The following PIAS1 variants were observed in gnomAD, a reference collection of about 807,000 sequenced individuals.
PIAS1 encodes E3 SUMO-protein ligase PIAS1.
In PIAS1, 6 loss-of-function variants were observed where a neutral mutation model predicts 71.3. That is an observed-to-expected ratio of 0.08 (90% CI 0.05 to 0.17). PIAS1 has a LOEUF of 0.17. Ranked by LOEUF, PIAS1 falls within the 10% of genes least tolerant of loss-of-function variation. The probability of loss-of-function intolerance (pLI) is 1.00; values close to 1 mark genes in which losing one functional copy is unlikely to be tolerated. For missense variants in PIAS1, 555 were observed against 793.6 expected, an observed-to-expected ratio of 0.70 and a Z score of 3.61; for synonymous variants, 303 against 292.9, an observed-to-expected ratio of 1.03 and a Z score of -0.35.
intron 2 of PIAS1, among the ~76,000 whole-genome samples, chr15:68,099,130 TTTGTTGTTG>T (rs368373360): frequency 6.6e-6 from 1 of 151,972 alleles, no homozygotes; most frequent in East Asian, 1.9e-4. Context: ...GAGGGTGAAG[TTTGTTGTTG>T]TTGTTGTTGT....
chr15:68,144,569 T>C (rs1359539683), intron 4 of PIAS1, among the ~76,000 whole-genome samples: 4 of 152,146 alleles, frequency 2.6e-5, no homozygotes, highest in African/African-American at 4.8e-5. Flanking sequence ...ATGTTTTAAA[T>C]TGATCACTGC....
intron 1 of PIAS1, among the ~76,000 whole-genome samples, chr15:68,077,613 A>G (rs1013276088): frequency 2.6e-5 from 4 of 152,230 alleles, no homozygotes; most frequent in African/African-American, 9.6e-5. Context: ...AAGTTGGAGT[A>G]AAACTTCATA....
chr15:68,085,611 A>G (rs1452201358), intron 1 of PIAS1, among the ~76,000 whole-genome samples: 1 of 151,974 alleles, frequency 6.6e-6, no homozygotes, highest in African/African-American at 2.4e-5. Context: ...AATCCTGACT[A>G]CTCCTTAGTA....
In PIAS1 at chr15:68,187,593, C is replaced by G; in HGVS notation, c.1714C>G (p.Gln572Glu). 1 of 1,613,974 alleles carries G rather than the reference C, an allele frequency of 6.2e-7. No individual in the cohort carries two copies. Among genetic ancestry groups the G allele is most frequent in the Non-Finnish European group, 8.5e-7 (1 of 1,179,862 alleles). Residue 572 changes from glutamine to glutamate, a missense_variant, in exon 14 of 14, where the codon CAA becomes GAA. Transcript: ENST00000249636. The surrounding 1 kb of genome is among the most constrained non-coding windows in gnomAD (Gnocchi z 5.3). ...AAAAAAVSDDQDLLHSSRFFP... is the reference protein window; with the variant it reads ...AAAAAAVSDDEDLLHSSRFFP... ...TGCAGCAGCAGCAGTTTCAGATGAT[C>G]AAGACCTCCTACACTCGTCTCGGTT...
Position 68,086,206 on chromosome 15 carries a change from T to C in PIAS1, c.25-100T>C, listed in dbSNP as rs2092280142. 2.5e-6 allele frequency: 2 copies of C among 808,348 alleles called. No individual in the cohort carries two copies. The highest frequency in any genetic ancestry group is 3.8e-6 in the Non-Finnish European group (2 of 524,112). 50.1% of individuals were successfully genotyped at this position (808,348 alleles called of 1,614,324 possible). A position where few individuals can be genotyped will look rare whatever the true frequency, so the allele number is the denominator to read the frequency against. ...TATAAGTGAGCTGGCCTTTATTTGC[T>C]TAAGTAAACCATAAGAAGGGGGTTA... On this transcript the variant is annotated intron_variant, in intron 1 of 13. Transcript: ENST00000249636. The surrounding 1 kb of genome is among the most constrained non-coding windows in gnomAD (Gnocchi z 7.2).
chr15:68,165,822 A>G (rs1353782459), intron 8 of PIAS1, among the ~76,000 whole-genome samples: 1 of 152,178 alleles, frequency 6.6e-6, no homozygotes, highest in Admixed American at 6.5e-5. Context: ...TTGTTCTATA[A>G]TTAATCAAAC....
chr15:68,159,649 C>T (rs372765130), intron 7 of PIAS1, among the ~76,000 whole-genome samples: 31 of 152,070 alleles, frequency 2.0e-4, no homozygotes, highest in South Asian at 1.0e-3. Flanking sequence ...TTTATTGCTG[C>T]GTAGTATTTC....
intron 5 of PIAS1, 95 bp from the exon 6 acceptor site, chr15:68,146,471 C>A: frequency 1.3e-6 from 1 of 788,720 alleles, no homozygotes; most frequent in Non-Finnish European, 2.0e-6. Flanking sequence ...TTCATATTTT[C>A]TAGTATGCAG....
At chr15:68,183,170 A>G (rs2093066612) in intron 12 of PIAS1, among the ~76,000 whole-genome samples, 2 of 152,162 alleles carry the variant, frequency 1.3e-5, no homozygotes, top group Admixed American at 6.5e-5. Flanking sequence ...AAATGAGCAA[A>G]TTTAAGAAAG....
chr15:68,141,977 C>T lies in PIAS1; in HGVS notation c.501C>T (p.Thr167=), dbSNP rs761131710. 30 of 1,604,982 alleles carry T rather than the reference C, an allele frequency of 1.9e-5. No individual in the cohort carries two copies. The South Asian group carries it at 2.6e-4, about 14-fold the overall frequency. The change falls in exon 3 of 14, where the codon ACC becomes ACT. Residue 167 remains threonine (T), a synonymous_variant. Coordinates refer to ENST00000249636, the MANE Select transcript of PIAS1 (RefSeq NM_016166.3). Reference sequence around the variant, plus strand: ...ACAACAGTCAGCGCTTTCGAGAAACCTGTTTTGCATTTGCCTTGACACCAC... The same window carrying T: ...ACAACAGTCAGCGCTTTCGAGAAACTTGTTTTGCATTTGCCTTGACACCAC... ...ASDNSQRFRE[T]CFAFALTPQQ... is the part of the protein sequence containing the mutation.
intron 2 of PIAS1, among the ~76,000 whole-genome samples, chr15:68,113,676 A>T (rs1045935170): frequency 3.9e-5 from 6 of 152,170 alleles, no homozygotes; most frequent in African/African-American, 1.4e-4. Flanking sequence ...GTAAAGTTAG[A>T]ATAACTAGGA....
At chr15:68,149,064 G>C (rs1257595305) in intron 6 of PIAS1, among the ~76,000 whole-genome samples, 2 of 152,122 alleles carry the variant, frequency 1.3e-5, no homozygotes, top group Non-Finnish European at 2.9e-5. Context: ...GAAAAGGACT[G>C]AGTGTGGGTG....
intron 1 of PIAS1, among the ~76,000 whole-genome samples, chr15:68,070,048 G>T (rs2092077114): frequency 6.6e-6 from 1 of 152,192 alleles, no homozygotes; most frequent in South Asian, 2.1e-4. Flanking sequence ...GGAGGAAGGA[G>T]ATGTGGGAGG....
chr15:68,166,852 G>C (rs377049584), intron 8 of PIAS1, among the ~76,000 whole-genome samples: 18 of 152,160 alleles, frequency 1.2e-4, no homozygotes, highest in East Asian at 3.9e-4. Context: ...TTGAGACGGG[G>C]TTTCACTTTG....
intron 1 of PIAS1, among the ~76,000 whole-genome samples, chr15:68,074,746 TC>T (rs1489362236): frequency 6.6e-6 from 1 of 152,202 alleles, no homozygotes; most frequent in African/African-American, 2.4e-5. Context: ...ACTTTTTTTT[TC>T]TTTTTGACAG....
intron 1 of PIAS1, among the ~76,000 whole-genome samples, chr15:68,062,673 G>T (rs1266366866): frequency 6.6e-6 from 1 of 152,014 alleles, no homozygotes. Context: ...TCTCTGCATG[G>T]GCATTTAAAT....
intron 1 of PIAS1, among the ~76,000 whole-genome samples, chr15:68,073,694 A>T (rs923009456): frequency 1.3e-5 from 2 of 152,176 alleles, no homozygotes; most frequent in Non-Finnish European, 2.9e-5. Context: ...AAAGTCCTGG[A>T]AGATGGAGAG....
At chr15:68,142,818 C>CTACA (rs1325132199) in intron 4 of PIAS1, among the ~76,000 whole-genome samples, 1 of 152,046 alleles carries the variant, frequency 6.6e-6, no homozygotes, top group Admixed American at 6.6e-5. Context: ...GTACTTAAGT[C>CTACA]TACAGTATGT....
intron 2 of PIAS1, among the ~76,000 whole-genome samples, chr15:68,124,994 CTGTT>C (rs2092640563): frequency 6.6e-6 from 1 of 152,174 alleles, no homozygotes; most frequent in Non-Finnish European, 1.5e-5. Context: ...ACCGTATAAT[CTGTT>C]TGTCGCCCTG....
Sources: allele counts gnomAD v4.1 joint callset (sites outside exome capture counted in the v4.1 genomes callset), GRCh38; gene constraint gnomAD v4.1.1; non-coding constraint Gnocchi (gnomAD v3.1); transcripts MANE v1.5; gene names NCBI Gene and HGNC (gene_info 2026-07-23, HGNC 2026-07-21).